Variants in IQCH observed in about 807,000 individuals in gnomAD.
IQCH encodes IQ motif containing H.
A neutral mutation model predicts 117.0 loss-of-function variants in IQCH; 98 were observed. That is an observed-to-expected ratio of 0.84 (90% confidence interval 0.71 to 0.99). The LOEUF is 0.99. Ranked by LOEUF, IQCH falls within the 50% of genes least tolerant of loss-of-function variation. The pLI is 0.00. For missense variants in IQCH, 1,102 were observed against 1,243.8 expected (o/e 0.89, Z 1.72); for synonymous variants, 412 against 448.2 (o/e 0.92, Z 1.02).
In IQCH at chr15:67,475,257, G is replaced by A. The variant is rs182621363; in HGVS notation, c.2677-439G>A. On this transcript the variant is annotated intron_variant, in intron 17 of 20. Coordinates refer to ENST00000335894, the MANE Select transcript of IQCH (RefSeq NM_001031715.3). The surrounding 1 kb of genome is among the most constrained non-coding windows in gnomAD (Gnocchi z 5.7). Reference sequence around the variant, plus strand: ...TTTGGGAGGCCGAGGCTGGCAGATCGCTTGAGCTAGGAGTTCAAGACCAGC... The same window carrying A: ...TTTGGGAGGCCGAGGCTGGCAGATCACTTGAGCTAGGAGTTCAAGACCAGC... Among the ~76,000 whole-genome samples, 4 of 152,204 alleles carry A rather than the reference G, an allele frequency of 2.6e-5. No individual in the cohort carries two copies. The highest frequency in any genetic ancestry group is 1.9e-4 in the East Asian group (1 of 5,172).
intron 10 of IQCH, among the ~76,000 whole-genome samples, chr15:67,383,673 C>G (rs781472933): frequency 4.1e-4 from 62 of 152,114 alleles, no homozygotes; most frequent in Non-Finnish European, 5.9e-4. Context: ...ATATTGCAGT[C>G]ACACATAAAG....
At chr15:67,450,166 A>G (rs2082487488) in intron 16 of IQCH, among the ~76,000 whole-genome samples, 1 of 152,202 alleles carries the variant, frequency 6.6e-6, no homozygotes, top group East Asian at 1.9e-4. Context: ...TGTCATCTAC[A>G]AACAGGGACA....
chr15:67,401,773 T>C lies in IQCH; in HGVS notation c.2097+1468T>C, dbSNP rs1971668355. 6.6e-6 allele frequency among the ~76,000 whole-genome samples: 1 copy of C among 152,170 alleles called. No individual in the cohort carries two copies. Among genetic ancestry groups the C allele is most frequent in the Admixed American group, 6.5e-5 (1 of 15,274 alleles). On this transcript the variant is annotated intron_variant, in intron 14 of 20. Coordinates refer to ENST00000335894, the MANE Select transcript of IQCH (RefSeq NM_001031715.3). The surrounding 1 kb of genome is among the most constrained non-coding windows in gnomAD (Gnocchi z 4.7). ...ATTATTTAAAAGACACCAAAATGAA[T>C]TACTCTTCTAGATAAAGATAAAAAC...
intron 3 of IQCH, among the ~76,000 whole-genome samples, chr15:67,266,375 C>A (rs8037342): frequency 3.3e-5 from 5 of 152,284 alleles, no homozygotes; most frequent in African/African-American, 9.6e-5. Flanking sequence ...CATCATACTC[C>A]GCTGGGTGCG....
intron 18 of IQCH, among the ~76,000 whole-genome samples, chr15:67,485,644 G>C (rs1476041724): frequency 6.6e-6 from 1 of 152,094 alleles, no homozygotes; most frequent in Non-Finnish European, 1.5e-5. Flanking sequence ...AAATTGAAGA[G>C]CAATAGAAAA....
Position 67,408,604 on chromosome 15 carries a change from TC to T in IQCH, c.2097+8301del, listed in dbSNP as rs1437467748. 6.6e-6 allele frequency: 1 copy of T among 152,194 alleles called. No individual in the cohort carries two copies. Among genetic ancestry groups the T allele is most frequent in the African/African-American group, 2.4e-5 (1 of 41,460 alleles). 9.4% of individuals were successfully genotyped at this position (152,194 alleles called of 1,614,324 possible). A position where few individuals can be genotyped will look rare whatever the true frequency, so the allele number is the denominator to read the frequency against. ...TTAACTAAAGTCACTGCTTGCCCATTCCTTTTGCATAAAATTAAAATATAAA... is the reference window on the plus strand; with the variant it reads ...TTAACTAAAGTCACTGCTTGCCCATTCTTTTGCATAAAATTAAAATATAAA... On this transcript the variant is annotated intron_variant, in intron 14 of 20. Coordinates refer to ENST00000335894, the MANE Select transcript of IQCH (RefSeq NM_001031715.3). This position sits in a 1 kb window ranked among gnomAD's most constrained non-coding sequence, Gnocchi z 4.2.
In IQCH at chr15:67,275,289, A is replaced by G. The variant is rs558098124; in HGVS notation, c.270-4106A>G. On this transcript the variant is annotated intron_variant, in intron 3 of 20. Coordinates refer to ENST00000335894, the MANE Select transcript of IQCH (RefSeq NM_001031715.3). ...GTGAAGAAACCATGAGTTGGGAGAA[A>G]TATTTTCACATGCTTGGTGCAAGGC... Among the ~76,000 whole-genome samples, 4 of 152,236 alleles carry G rather than the reference A, an allele frequency of 2.6e-5. No individual in the cohort carries two copies. In the East Asian group the frequency reaches 7.7e-4, roughly 29 times the overall value.
At position 67,459,507 on chromosome 15, in the gene IQCH, A is replaced by G. The variant is rs1296222947; in HGVS notation, c.2506-5620A>G. Among the ~76,000 whole-genome samples, 1 of 152,212 alleles carries G rather than the reference A, an allele frequency of 6.6e-6. No individual in the cohort carries two copies. Among genetic ancestry groups the G allele is most frequent in the Non-Finnish European group, 1.5e-5 (1 of 68,032 alleles). ...GCAGAAGCAGCAGGGGTGAGCAGGC[A>G]GCCTCCATCTGCTGAGAACACCTCA... On this transcript the variant is annotated intron_variant, in intron 16 of 20. Transcript: ENST00000335894. This position sits in a 1 kb window ranked among gnomAD's most constrained non-coding sequence, Gnocchi z 4.2.
At position 67,496,089 on chromosome 15, in the gene IQCH, G is replaced by A. The variant is rs1279244088; in HGVS notation, c.2970+1723G>A. On this transcript the variant is annotated intron_variant, in intron 20 of 20. Transcript: ENST00000335894. The surrounding 1 kb of genome is among the most constrained non-coding windows in gnomAD (Gnocchi z 4.4). ...TCCAGCACTTTGAAAAGCTGAGGTGGGCAGATTGCTTGATCCCAGGAGTTC... is the reference window on the plus strand; with the variant it reads ...TCCAGCACTTTGAAAAGCTGAGGTGAGCAGATTGCTTGATCCCAGGAGTTC... Among the ~76,000 whole-genome samples the A allele has an allele frequency of 6.6e-6, 1 of 152,158 alleles. No individual in the cohort carries two copies. The highest frequency in any genetic ancestry group is 6.5e-5 in the Admixed American group (1 of 15,274).
intron 4 of IQCH, among the ~76,000 whole-genome samples, chr15:67,290,434 C>T (rs563887725): frequency 1.3e-5 from 2 of 152,156 alleles, no homozygotes; most frequent in African/African-American, 4.8e-5. Context: ...ACTTCTAGGA[C>T]ACAAAATTCA....
chr15:67,346,573 A>G (rs1047581265), intron 6 of IQCH, among the ~76,000 whole-genome samples: 1 of 152,198 alleles, frequency 6.6e-6, no homozygotes, highest in African/African-American at 2.4e-5. Flanking sequence ...GCATGAACTC[A>G]GATGGTAATG....
intron 10 of IQCH, among the ~76,000 whole-genome samples, chr15:67,383,629 A>G (rs906713520): frequency 7.2e-5 from 11 of 152,180 alleles, no homozygotes; most frequent in Admixed American, 7.2e-4. Flanking sequence ...TTGAATATAG[A>G]TAAAATTATA....
chr15:67,372,284 C>T lies in IQCH; in HGVS notation c.927C>T (p.Leu309=), dbSNP rs756367738. 3.7e-6 allele frequency: 6 copies of T among 1,614,062 alleles called. No individual in the cohort carries two copies. In the East Asian group the frequency reaches 1.3e-4, roughly 36 times the overall value. Residue 309 remains leucine, a synonymous_variant, in exon 9 of 21, where the codon CTC becomes CTT. Transcript: ENST00000335894. The part of the protein sequence containing the change: ...FSLLEHVEKF[L]RNYAIPEVKI... ...TCTTGGAACACGTCGAGAAGTTTCT[C>T]AGGAACTATGCTATACCAGAAGTCA...
chr15:67,286,849 A>C (rs1966582907), intron 4 of IQCH, among the ~76,000 whole-genome samples: 1 of 151,934 alleles, frequency 6.6e-6, no homozygotes, highest in South Asian at 2.1e-4. Flanking sequence ...CTGACCTCAA[A>C]TGATCCACCC....
chr15:67,490,043 A>C lies in IQCH; in HGVS notation c.2840A>C (p.Lys947Thr), dbSNP rs1277128655. The change falls in exon 19 of 21, where the codon AAG becomes ACG. Residue 947 changes from lysine (K) to threonine (T), a missense_variant. Lys to Thr is a moderately conservative substitution (Grantham distance 78). Coordinates refer to ENST00000335894, the MANE Select transcript of IQCH (RefSeq NM_001031715.3). The surrounding 1 kb of genome is among the most constrained non-coding windows in gnomAD (Gnocchi z 4.9). ...GTTTTTATATTATATGAGCACCTGA[A>C]GAGACACAAGTTGGGAATGTTGTGA... is the stretch of plus-strand genomic sequence containing the variant. ...GTVFILYEHLKRHKLGMLTIG... is the reference protein window; with the variant it reads ...GTVFILYEHLTRHKLGMLTIG... 1 of 1,612,252 alleles carries C rather than the reference A, an allele frequency of 6.2e-7. No individual in the cohort carries two copies. The highest frequency in any genetic ancestry group is 1.1e-5 in the South Asian group (1 of 91,026).
At chr15:67,374,804 A>G (rs1343312155) in intron 10 of IQCH, among the ~76,000 whole-genome samples, 2 of 152,254 alleles carry the variant, frequency 1.3e-5, no homozygotes, top group Non-Finnish European at 2.9e-5. Context: ...GATTGCAACC[A>G]AAGAGGCTAA....
At chr15:67,283,825 G>A (rs1206756943) in intron 4 of IQCH, among the ~76,000 whole-genome samples, 3 of 152,190 alleles carry the variant, frequency 2.0e-5, no homozygotes, top group African/African-American at 4.8e-5. Flanking sequence ...CCCAATTTGA[G>A]ATGCAGAGGA....
chr15:67,494,908 T>TA lies in IQCH; in HGVS notation c.2970+543dup, dbSNP rs2083765032. Among the ~76,000 whole-genome samples, 1 of 152,212 alleles carries TA rather than the reference T, an allele frequency of 6.6e-6. No homozygotes were observed. Among genetic ancestry groups the TA allele is most frequent in the Non-Finnish European group, 1.5e-5 (1 of 68,038 alleles). Reference sequence around the variant, plus strand: ...CACTACTAACCTTTAGAAGCCTTCTTATGACCTTTAAAGATGTTGGTCTAT... The same window carrying TA: ...CACTACTAACCTTTAGAAGCCTTCTTAATGACCTTTAAAGATGTTGGTCTAT... On this transcript the variant is annotated intron_variant, in intron 20 of 20. Coordinates refer to ENST00000335894, the MANE Select transcript of IQCH (RefSeq NM_001031715.3). This position sits in a 1 kb window ranked among gnomAD's most constrained non-coding sequence, Gnocchi z 5.5.
chr15:67,437,464 G>A (rs2082166460), intron 16 of IQCH, among the ~76,000 whole-genome samples: 1 of 152,068 alleles, frequency 6.6e-6, no homozygotes, highest in African/African-American at 2.4e-5. Context: ...GAAGGAACCA[G>A]AAAACCAACC....
Sources: gnomAD v4.1 joint callset for allele counts (sites outside exome capture counted in the v4.1 genomes callset) on GRCh38, gnomAD v4.1.1 for gene constraint, Gnocchi (gnomAD v3.1) non-coding constraint, MANE v1.5 for transcripts, NCBI Gene and HGNC (gene_info 2026-07-23, HGNC 2026-07-21) for gene names.